The following MCPH1 variants were observed in gnomAD, a reference collection of about 807,000 sequenced individuals.
The protein encoded by MCPH1 is microcephalin 1.
MCPH1 carries 104 observed loss-of-function variants against 84.5 expected under a neutral mutation model. That is an observed-to-expected ratio of 1.23 (90% confidence interval 1.05 to 1.45). The LOEUF (loss-of-function observed/expected upper bound fraction) is 1.45, where lower values mean the gene tolerates loss of function less well. Among genes scored for constraint, MCPH1 ranks in the 40% most tolerant of loss-of-function variants. The pLI is 0.00. For missense variants in MCPH1, 1,498 were observed against 1,005.7 expected (o/e 1.49, Z -6.62); for synonymous variants, 514 against 366.8 (o/e 1.40, Z -4.58).
At chr8:6,544,746 G>C (rs954173760) in intron 12 of MCPH1, among the ~76,000 whole-genome samples, 4 of 152,138 alleles carry the variant, frequency 2.6e-5, no homozygotes, top group African/African-American at 9.7e-5. Flanking sequence ...CACAGATACA[G>C]CATTTAGAGT....
At chr8:6,494,624 C>T (rs1031060928) in intron 11 of MCPH1, 1 of 152,148 alleles carries the variant, frequency 6.6e-6, no homozygotes, top group Non-Finnish European at 1.5e-5. Context: ...GTTGAACACA[C>T]CGAGTGAAAG....
intron 13 of MCPH1, chr8:6,625,338 T>C (rs962150437): frequency 1.0e-6 from 1 of 985,468 alleles, no homozygotes; most frequent in Non-Finnish European, 1.2e-6. Context: ...ACGGTATCCA[T>C]GGATGTGTCC....
At chr8:6,407,529 G>C (rs1585537971) in intron 1 of MCPH1, among the ~76,000 whole-genome samples, 1 of 152,098 alleles carries the variant, frequency 6.6e-6, no homozygotes, top group Non-Finnish European at 1.5e-5. Flanking sequence ...TAGCGGACAC[G>C]TGTCTTGTAG....
intron 11 of MCPH1, among the ~76,000 whole-genome samples, chr8:6,482,744 T>C (rs1809396456): frequency 2.6e-5 from 4 of 152,218 alleles, no homozygotes; most frequent in Admixed American, 1.3e-4. Context: ...TAATCATACA[T>C]AGAAACAGAA....
chr8:6,425,077 G>A (rs1197072895), intron 3 of MCPH1, among the ~76,000 whole-genome samples: 1 of 152,226 alleles, frequency 6.6e-6, no homozygotes, highest in African/African-American at 2.4e-5. Flanking sequence ...CGTCCTAAGG[G>A]TAGAATGAGA....
intron 12 of MCPH1, among the ~76,000 whole-genome samples, chr8:6,569,042 C>A (rs1372526100): frequency 6.6e-6 from 1 of 152,204 alleles, no homozygotes; most frequent in Non-Finnish European, 1.5e-5. Context: ...ACTTTTGAGA[C>A]ATCTTGGCCA....
intron 12 of MCPH1, among the ~76,000 whole-genome samples, chr8:6,606,562 G>T (rs1018745085): frequency 3.9e-5 from 6 of 152,242 alleles, no homozygotes; most frequent in Non-Finnish European, 7.3e-5. Context: ...AGGAGGATGT[G>T]CTGCTTCCTG....
chr8:6,586,364 C>A (rs183450402), intron 12 of MCPH1, among the ~76,000 whole-genome samples: 2 of 152,278 alleles, frequency 1.3e-5, no homozygotes, highest in East Asian at 1.9e-4. Flanking sequence ...AAATATACAC[C>A]CTCTTACCTG....
At chr8:6,635,195 G>C (rs527648534) in intron 13 of MCPH1, 1 of 152,348 alleles carries the variant, frequency 6.6e-6, no homozygotes, top group East Asian at 1.9e-4. Flanking sequence ...CATTGATAAT[G>C]AGGCTCCGGT....
At chr8:6,496,618 G>A (rs1811261522) in intron 11 of MCPH1, among the ~76,000 whole-genome samples, 1 of 151,856 alleles carries the variant, frequency 6.6e-6, no homozygotes, top group Non-Finnish European at 1.5e-5. Flanking sequence ...ATGGTGGGTG[G>A]TAAGCTATGG....
At chr8:6,501,190 G>C (rs2129562868) in intron 12 of MCPH1, 1 of 152,314 alleles carries the variant, frequency 6.6e-6, no homozygotes, top group East Asian at 1.9e-4. Flanking sequence ...GACTTTGCCA[G>C]AGTCCATCAT....
At position 6,439,101 on chromosome 8, in the gene MCPH1, GTAAT is replaced by G. The variant is rs1803101674; in HGVS notation, c.580+8_580+11del. Reference sequence around the variant, plus strand: ...GGGAAAATCTTTCCCCCACCTGTAAGTAATTAGTTTGTAAAATGAAAATTATGCA... The same window carrying G: ...GGGAAAATCTTTCCCCCACCTGTAAGTAGTTTGTAAAATGAAAATTATGCA... On this transcript the variant is annotated splice_donor_region_variant and intron_variant, in intron 6 of 13. Transcript: ENST00000344683. 3 of 1,612,246 alleles carry G rather than the reference GTAAT, an allele frequency of 1.9e-6. No homozygotes were observed. Among genetic ancestry groups the G allele is most frequent in the Non-Finnish European group, 2.5e-6 (3 of 1,179,224 alleles).
rs768156927 is a variant in MCPH1, at chr8:6,444,763, A to T, written c.1041A>T (p.Ser347=). 8 of 1,614,112 alleles carry T rather than the reference A, an allele frequency of 5.0e-6. No individual in the cohort carries two copies. Among genetic ancestry groups the T allele is most frequent in the Non-Finnish European group, 3.4e-6 (4 of 1,179,982 alleles). The change falls in exon 8 of 14, where the codon TCA becomes TCT. Residue 347 remains serine, a synonymous_variant. Coordinates refer to ENST00000344683, the MANE Select transcript of MCPH1 (RefSeq NM_024596.5). Reference sequence around the variant, plus strand: ...CAAAAGGCCACCTTTTGATACATTCAAGACCCAGGAGTTCCTCAGTAAAGA... The same window carrying T: ...CAAAAGGCCACCTTTTGATACATTCTAGACCCAGGAGTTCCTCAGTAAAGA... ...SSTKGHLLIH[S]RPRSSSVKRK... is the part of the protein sequence containing the mutation.
chr8:6,551,986 G>A (rs182976058), intron 12 of MCPH1, among the ~76,000 whole-genome samples: 87 of 152,272 alleles, frequency 5.7e-4, no homozygotes, highest in Admixed American at 7.2e-4. Context: ...TCAGACTAAT[G>A]TTTATAATTA....
chr8:6,621,047 C>G (rs527639000), intron 12 of MCPH1: 15 of 302,518 alleles, frequency 5.0e-5, no homozygotes, highest in African/African-American at 2.4e-4. Context: ...TTGAATGACG[C>G]TCTCCCAGCA....
intron 13 of MCPH1, among the ~76,000 whole-genome samples, chr8:6,635,935 C>A (rs535242978): frequency 1.3e-5 from 2 of 152,192 alleles, no homozygotes; most frequent in African/African-American, 4.8e-5. Flanking sequence ...CTGCTTAGCT[C>A]CCCTGAGCAC....
At chr8:6,611,526 C>T (rs1830262807) in intron 12 of MCPH1, among the ~76,000 whole-genome samples, 1 of 152,260 alleles carries the variant, frequency 6.6e-6, no homozygotes, top group Non-Finnish European at 1.5e-5. Context: ...GGGAGCAGGG[C>T]ATACGGAGCT....
At chr8:6,409,066 T>C (rs2129550718) in intron 1 of MCPH1, among the ~76,000 whole-genome samples, 1 of 152,212 alleles carries the variant, frequency 6.6e-6, no homozygotes, top group South Asian at 2.1e-4. Context: ...TTGTATCTTT[T>C]AGTAGAGATG....
intron 12 of MCPH1, among the ~76,000 whole-genome samples, chr8:6,602,969 C>T (rs924129622): frequency 1.8e-4 from 27 of 151,500 alleles, no homozygotes; most frequent in African/African-American, 6.3e-4. Flanking sequence ...ATGTGTGTGC[C>T]CTTGAGTGTG....
Sources: gnomAD v4.1 joint callset for allele counts (sites outside exome capture counted in the v4.1 genomes callset) on GRCh38, gnomAD v4.1.1 for gene constraint, MANE v1.5 for transcripts, NCBI Gene and HGNC (gene_info 2026-07-23, HGNC 2026-07-21) for gene names.